PTPRS: variants seen among roughly 807,000 people sequenced by gnomAD.
PTPRS encodes the protein receptor-type tyrosine-protein phosphatase S.
In PTPRS, 63 loss-of-function variants were observed where a neutral mutation model predicts 215.3. The ratio of observed to expected loss-of-function variants is 0.29; its 90% confidence interval spans 0.24 to 0.36. The LOEUF is 0.36. Among genes scored for constraint, PTPRS ranks in the 10% least tolerant of loss-of-function variants. PTPRS has a pLI of 1.00. For missense variants in PTPRS, 2,258 were observed against 2,825.8 expected (o/e 0.80, Z 4.56); for synonymous variants, 1,404 against 1,191.4 (o/e 1.18, Z -3.68).
In PTPRS at chr19:5,223,412, G is replaced by GA. The variant is rs200128302; in HGVS notation, c.2495-116_2495-115insT. On this transcript the variant is annotated intron_variant, in intron 17 of 37. Transcript: ENST00000262963. ...TCAATATAACATTTTTTTGAGTTGG[G>GA]GGGGGTCTTACTCTGTTGCCCAGCC... is the stretch of plus-strand genomic sequence containing the variant. 11 of 1,265,016 alleles carry GA rather than the reference G, an allele frequency of 8.7e-6. No individual in the cohort carries two copies. In the East Asian group the frequency reaches 3.3e-4, roughly 38 times the overall value. 78.4% of individuals were successfully genotyped at this position (1,265,016 alleles called of 1,614,324 possible). A position where few individuals can be genotyped will look rare whatever the true frequency, so the allele number is the denominator to read the frequency against.
At chr19:5,234,073 C>T (rs1424203766) in intron 13 of PTPRS, among the ~76,000 whole-genome samples, 1 of 145,878 alleles carries the variant, frequency 6.9e-6, no homozygotes, top group Non-Finnish European at 1.5e-5. Flanking sequence ...GGGCTTCATA[C>T]AATAACAGCA....
At chr19:5,329,075 G>A (rs1041003841) in intron 1 of PTPRS, among the ~76,000 whole-genome samples, 1 of 152,162 alleles carries the variant, frequency 6.6e-6, no homozygotes, top group Non-Finnish European at 1.5e-5. Flanking sequence ...CAGACAGAGC[G>A]ATATCGTGAG....
At chr19:5,217,443 G>A (rs2041582473) in intron 25 of PTPRS, among the ~76,000 whole-genome samples, 1 of 152,132 alleles carries the variant, frequency 6.6e-6, no homozygotes, top group Non-Finnish European at 1.5e-5. Flanking sequence ...ATGAGGCCCT[G>A]CATGATCCCT....
chr19:5,270,297 A>AC (rs2046800183), intron 4 of PTPRS, among the ~76,000 whole-genome samples: 2 of 47,010 alleles, frequency 4.3e-5, no homozygotes, highest in Non-Finnish European at 9.6e-5. Flanking sequence ...CCTCCCCCCC[A>AC]CCCCCCTTTT....
chr19:5,283,342 C>G (rs1003608651), intron 2 of PTPRS, among the ~76,000 whole-genome samples: 7 of 152,090 alleles, frequency 4.6e-5, no homozygotes, highest in African/African-American at 1.4e-4. Context: ...TCTGGGAGAC[C>G]GAGGTGGGCA....
In PTPRS at chr19:5,229,674, C is replaced by A. The variant is rs1219800799; in HGVS notation, c.2166G>T (p.Ala722=). 3 of 1,240,036 alleles carry A rather than the reference C, an allele frequency of 2.4e-6. No individual in the cohort carries two copies. The allele number at this position is 1,240,036 out of a possible 1,614,324, so 76.8% of individuals were successfully genotyped here. ...VVRTDEDVPS[A]PPRKVEAEAL... is the part of the protein sequence containing the mutation. Reference sequence around the variant, plus strand: ...CCTCCGCCTCCACCTTCCGCGGCGGCGCGCTGGGCACTGGCGGGCGGGAGG... The same window carrying A: ...CCTCCGCCTCCACCTTCCGCGGCGGAGCGCTGGGCACTGGCGGGCGGGAGG... Residue 722 remains alanine (A), a synonymous_variant, in exon 15 of 38, where the codon GCG becomes GCT. Transcript: ENST00000262963.
intron 7 of PTPRS, among the ~76,000 whole-genome samples, chr19:5,260,469 C>T (rs538644106): frequency 6.6e-6 from 1 of 152,312 alleles, no homozygotes; most frequent in South Asian, 2.1e-4. Flanking sequence ...CGTGAACCAC[C>T]GCGCCCGGCC....
In PTPRS at chr19:5,266,712, T is replaced by C. The variant is rs114176197; in HGVS notation, c.380-1516A>G. Among the ~76,000 whole-genome samples the C allele has an allele frequency of 5.2e-3, 786 of 152,224 alleles. 6 individuals carry two copies. The highest frequency in any genetic ancestry group is 0.018 in the African/African-American group (731 of 41,536). On this transcript the variant is annotated intron_variant, in intron 4 of 37. Transcript: ENST00000262963. ...TGCTCCCCCGCTGTACACCCTTCTG[T>C]GGTCCGGCCACCCTCAGAAGGAACC...
intron 4 of PTPRS, among the ~76,000 whole-genome samples, chr19:5,269,384 A>C (rs1403743143): frequency 6.6e-6 from 1 of 152,094 alleles, no homozygotes; most frequent in African/African-American, 2.4e-5. Context: ...TAATTAAAAC[A>C]ACAGTGCAGG....
chr19:5,306,884 A>G (rs1043240424), intron 1 of PTPRS, among the ~76,000 whole-genome samples: 1 of 152,202 alleles, frequency 6.6e-6, no homozygotes, highest in African/African-American at 2.4e-5. Flanking sequence ...TTTAGGCCTG[A>G]TAACACCACC....
At chr19:5,227,070 C>T (rs1237700747) in intron 16 of PTPRS, among the ~76,000 whole-genome samples, 2 of 152,088 alleles carry the variant, frequency 1.3e-5, no homozygotes, top group Non-Finnish European at 2.9e-5. Context: ...CTTATTGAGA[C>T]AGGGTCTCAC....
At chr19:5,279,871 G>C (rs1033739508) in intron 2 of PTPRS, among the ~76,000 whole-genome samples, 1 of 152,130 alleles carries the variant, frequency 6.6e-6, no homozygotes, top group East Asian at 1.9e-4. Context: ...TTTTAGTAGA[G>C]ACGGGGTTTC....
intron 1 of PTPRS, among the ~76,000 whole-genome samples, chr19:5,299,244 C>T (rs538900329): frequency 3.3e-4 from 50 of 152,340 alleles, no homozygotes; most frequent in African/African-American, 1.1e-3. Flanking sequence ...CCCTGCATGA[C>T]CTGCTCCATC....
intron 1 of PTPRS, among the ~76,000 whole-genome samples, chr19:5,340,299 G>T (rs2050650209): frequency 6.6e-6 from 1 of 150,486 alleles, no homozygotes. Flanking sequence ...CCGCGCCTCT[G>T]CCCCGCCCGC....
In PTPRS at chr19:5,218,412, G is replaced by A. The variant is rs1307464711; in HGVS notation, c.4048+8C>T. On this transcript the variant is annotated splice_region_variant and intron_variant, in intron 25 of 37. Coordinates refer to ENST00000262963, the MANE Select transcript of PTPRS (RefSeq NM_002850.4). ...GTGGCATCCCTGGTACCAGGGATAA[G>A]TACATACCTGGAGTCTGGAAGTTAA... The A allele has an allele frequency of 5.0e-6, 8 of 1,610,072 alleles. No individual in the cohort carries two copies. Among genetic ancestry groups the A allele is most frequent in the Non-Finnish European group, 6.8e-6 (8 of 1,177,006 alleles).
chr19:5,254,127 A>G (rs1016973542), intron 9 of PTPRS, among the ~76,000 whole-genome samples: 2 of 152,060 alleles, frequency 1.3e-5, no homozygotes, highest in African/African-American at 4.8e-5. Context: ...GTTCCAATGC[A>G]CCAGCACCTA....
chr19:5,271,146 A>G (rs560686973), intron 4 of PTPRS, among the ~76,000 whole-genome samples: 1 of 152,168 alleles, frequency 6.6e-6, no homozygotes, highest in South Asian at 2.1e-4. Flanking sequence ...CTCCCAGCTA[A>G]TGGCTGGCAG....
intron 11 of PTPRS, among the ~76,000 whole-genome samples, chr19:5,242,737 C>A (rs888104104): frequency 3.9e-5 from 6 of 152,094 alleles, no homozygotes; most frequent in African/African-American, 1.4e-4. Flanking sequence ...TGCTTTGTTG[C>A]CCAGGCTGGA....
At position 5,246,014 on chromosome 19, in the gene PTPRS, C is replaced by T. The variant is rs962833731; in HGVS notation, c.750G>A (p.Leu250=). ...CTGGCATGATCTCGTGGCTCATGGG[C>T]AGGATGGAGAAGCGCGGGGCCACGC... is the stretch of plus-strand genomic sequence containing the variant. ...VRRVAPRFSI[L]PMSHEIMPGG... Residue 250 remains leucine, a synonymous_variant, in exon 10 of 38, where the codon CTG becomes CTA. Transcript: ENST00000262963. 3 of 1,570,294 alleles carry T rather than the reference C, an allele frequency of 1.9e-6. No homozygotes were observed. In the African/African-American group the frequency reaches 4.1e-5, roughly 21 times the overall value.
Sources: allele counts gnomAD v4.1 joint callset (sites outside exome capture counted in the v4.1 genomes callset), GRCh38; gene constraint gnomAD v4.1.1; transcripts MANE v1.5; gene names NCBI Gene and HGNC (gene_info 2026-07-23, HGNC 2026-07-21).